RCN3: variants seen among roughly 807,000 people sequenced by gnomAD.
The protein encoded by RCN3 is reticulocalbin-3.
RCN3 carries 41 observed loss-of-function variants against 35.9 expected under a neutral mutation model. The observed-to-expected ratio is 1.14, with a 90% confidence interval of 0.89 to 1.48. The LOEUF is 1.48. RCN3 is among the 40% of genes most tolerant of loss of function. RCN3 has a pLI of 0.00. For missense variants in RCN3, 451 were observed against 471.3 expected, an observed-to-expected ratio of 0.96 and a Z score of 0.40; for synonymous variants, 187 against 193.4, an observed-to-expected ratio of 0.97 and a Z score of 0.27.
At chr19:49,528,908 G>A (rs781619663) in intron 2 of RCN3, among the ~76,000 whole-genome samples, 194 bp downstream of exon 2, 11 of 152,120 alleles carry the variant, frequency 7.2e-5, no homozygotes, top group African/African-American at 9.7e-5. Context: ...GAGACCGGGC[G>A]TGGTGGCTCA....
intron 2 of RCN3, among the ~76,000 whole-genome samples, chr19:49,532,007 T>A (rs2080110302): frequency 1.3e-5 from 2 of 151,270 alleles, no homozygotes; most frequent in South Asian, 4.2e-4. Flanking sequence ...TTCGCCGTGT[T>A]AGCCAGGATG....
At chr19:49,539,078 G>C (rs2080150511) in intron 4 of RCN3, 41 bp from the exon 5 acceptor site, 3 of 1,506,388 alleles carry the variant, frequency 2.0e-6, no homozygotes, top group Non-Finnish European at 2.7e-6. Flanking sequence ...CCAGGAGCCA[G>C]GGTCATCGGC....
chr19:49,542,569 C>A lies in RCN3; in HGVS notation c.696C>A (p.Ala232=). 1 of 1,601,756 alleles carries A rather than the reference C, an allele frequency of 6.2e-7. No individual in the cohort carries two copies. Reference sequence around the variant, plus strand: ...GGCCCCCAGCGGATCTGTACTCAGCCGAGCCTGGGGAGGAGGAGCCGGCGT... The same window carrying A: ...GGCCCCCAGCGGATCTGTACTCAGCAGAGCCTGGGGAGGAGGAGCCGGCGT... ...VEEYIADLYS[A]EPGEEEPAWV... The change falls in exon 6 of 7, where the codon GCC becomes GCA. Residue 232 remains alanine (A), a synonymous_variant. Coordinates refer to ENST00000270645, the MANE Select transcript of RCN3 (RefSeq NM_020650.3).
Position 49,543,463 on chromosome 19 carries a change from C to A in RCN3, c.*250C>A. The A allele has an allele frequency of 1.9e-6, 1 of 525,554 alleles. No homozygotes were observed. The highest frequency in any genetic ancestry group is 2.1e-5 in the South Asian group (1 of 46,636). The allele number at this position is 525,554 out of a possible 1,614,324, so 32.6% of individuals were successfully genotyped here. A position where few individuals can be genotyped will look rare whatever the true frequency, so the allele number is the denominator to read the frequency against. The stretch of plus-strand genomic sequence containing the variant: ...TCTGACTGAGTCTCCCAGCCCAGAC[C>A]CAGGGACCCTTGGCCCCAAGCTCAG... On this transcript the variant is annotated 3_prime_UTR_variant, in exon 7 of 7. Transcript: ENST00000270645.
In RCN3 at chr19:49,534,187, T is replaced by G. The variant is rs764548194; in HGVS notation, c.243-6T>G. The G allele has an allele frequency of 1.3e-6, 2 of 1,485,374 alleles. No individual in the cohort carries two copies. Among genetic ancestry groups the G allele is most frequent in the Non-Finnish European group, 1.8e-6 (2 of 1,123,800 alleles). The allele number at this position is 1,485,374 out of a possible 1,614,324, so 92.0% of individuals were successfully genotyped here. On this transcript the variant is annotated splice_region_variant and splice_polypyrimidine_tract_variant and intron_variant, in intron 2 of 6. Coordinates refer to ENST00000270645, the MANE Select transcript of RCN3 (RefSeq NM_020650.3). ...GAGCCTGACGTGTGCCCGCCCCGGC[T>G]TCTAGGCGGATCGTGGACCGCATGG... is the stretch of plus-strand genomic sequence containing the variant.
chr19:49,534,232 C>T lies in RCN3; in HGVS notation c.282C>T (p.Asp94=). The change falls in exon 3 of 7, where the codon GAC becomes GAT. Residue 94 remains aspartate, a synonymous_variant. Coordinates refer to ENST00000270645, the MANE Select transcript of RCN3 (RefSeq NM_020650.3). ...VDRMDRAGDG[D]GWVSLAELRA... Reference sequence around the variant, plus strand: ...GCATGGACCGCGCGGGGGACGGCGACGGCTGGGTGTCGCTGGCCGAGCTTC... The same window carrying T: ...GCATGGACCGCGCGGGGGACGGCGATGGCTGGGTGTCGCTGGCCGAGCTTC... 1.4e-6 allele frequency: 2 copies of T among 1,477,024 alleles called. No individual in the cohort carries two copies. Among genetic ancestry groups the T allele is most frequent in the Non-Finnish European group, 1.8e-6 (2 of 1,119,056 alleles). 91.5% of individuals were successfully genotyped at this position (1,477,024 alleles called of 1,614,324 possible). A position where few individuals can be genotyped will look rare whatever the true frequency, so the allele number is the denominator to read the frequency against.
chr19:49,542,879 A>G (rs1013530789), intron 6 of RCN3, 127 bp downstream of exon 6: 70 of 963,648 alleles, frequency 7.3e-5, no homozygotes, highest in Non-Finnish European at 9.6e-5. Context: ...AGAGGGACAG[A>G]GAGAGGGAGG....
At position 49,534,294 on chromosome 19, in the gene RCN3, G is replaced by A. The variant is rs777133003; in HGVS notation, c.344G>A (p.Arg115Gln). The change falls in exon 3 of 7, where the codon CGG becomes CAG. Residue 115 changes from arginine to glutamine, a missense_variant. Physicochemically the swap from Arg to Gln is conservative, Grantham distance 43. Transcript: ENST00000270645. ...WIAHTQQRHI[R>Q]DSVSAAWDTY... ...GCGCACACGCAGCAGCGGCACATAC[G>A]GGACTCGGTGAGCGCGGCCTGGGAC... The A allele has an allele frequency of 6.7e-6, 10 of 1,484,964 alleles. No homozygotes were observed. The South Asian group carries it at 1.2e-4, about 18-fold the overall frequency. The allele number at this position is 1,484,964 out of a possible 1,614,324, so 92.0% of individuals were successfully genotyped here.
At chr19:49,538,358 G>A (rs1161063348) in intron 4 of RCN3, among the ~76,000 whole-genome samples, 4 of 149,862 alleles carry the variant, frequency 2.7e-5, no homozygotes, top group African/African-American at 7.4e-5. Context: ...TAGTAGAGAC[G>A]GGGTTTCACT....
intron 2 of RCN3, among the ~76,000 whole-genome samples, chr19:49,529,976 G>A (rs1173443517): frequency 6.6e-6 from 1 of 151,738 alleles, no homozygotes; most frequent in Non-Finnish European, 1.5e-5. Flanking sequence ...TTTTGAGATG[G>A]AGTCTCGCTC....
At chr19:49,528,747 A>AG in intron 2 of RCN3, 33 bp downstream of exon 2, 1 of 1,525,554 alleles carries the variant, frequency 6.6e-7, no homozygotes, top group East Asian at 2.4e-5. Context: ...GCGTGTCCAG[A>AG]GGTGGGGCTT....
intron 6 of RCN3, 48 bp downstream of exon 6, chr19:49,542,800 G>A (rs374695795): frequency 1.5e-5 from 23 of 1,507,074 alleles, no homozygotes; most frequent in Middle Eastern, 1.8e-4. Flanking sequence ...TGGGCATTGC[G>A]GGCCAGACTC....
At chr19:49,538,418 C>T (rs969933994) in intron 4 of RCN3, among the ~76,000 whole-genome samples, 9 of 151,614 alleles carry the variant, frequency 5.9e-5, no homozygotes, top group Admixed American at 3.3e-4. Flanking sequence ...CCACCCACCT[C>T]GGCCTTCCAA....
At chr19:49,528,770 C>T in intron 2 of RCN3, 56 bp downstream of exon 2, 1 of 1,457,444 alleles carries the variant, frequency 6.9e-7, no homozygotes, top group Admixed American at 2.6e-5. Flanking sequence ...GAGAGAGACG[C>T]GGGGGTATCG....
chr19:49,528,643 G>A lies in RCN3; in HGVS notation c.171G>A (p.Glu57=). ...DAHGNFQYDH[E]AFLGREVAKE... is the part of the protein sequence containing the mutation. ...ACGGGAACTTCCAGTACGACCATGA[G>A]GCTTTCCTGGGACGGGAAGTGGCCA... Residue 57 remains glutamate (E), a synonymous_variant, in exon 2 of 7, where the codon GAG becomes GAA. Transcript: ENST00000270645. 1.2e-6 allele frequency: 2 copies of A among 1,612,068 alleles called. No homozygotes were observed. Among genetic ancestry groups the A allele is most frequent in the Non-Finnish European group, 1.7e-6 (2 of 1,179,174 alleles).
At chr19:49,532,398 C>G (rs991490581) in intron 2 of RCN3, among the ~76,000 whole-genome samples, 3 of 151,894 alleles carry the variant, frequency 2.0e-5, no homozygotes, top group East Asian at 1.9e-4. Context: ...GTTTTTGAGA[C>G]AAGGTCTTAC....
intron 5 of RCN3, among the ~76,000 whole-genome samples, chr19:49,540,989 G>A (rs1038744426): frequency 6.6e-6 from 1 of 151,482 alleles, no homozygotes; most frequent in African/African-American, 2.4e-5. Context: ...GGAGTGCAGT[G>A]GCATGATCTC....
chr19:49,529,555 C>G (rs1035111313), intron 2 of RCN3, among the ~76,000 whole-genome samples: 1 of 152,208 alleles, frequency 6.6e-6, no homozygotes, highest in African/African-American at 2.4e-5. Context: ...AGGCACTGCT[C>G]TAGGTGCTGA....
In RCN3 at chr19:49,534,358, G is replaced by T; in HGVS notation, c.408G>T (p.Glu136Asp). 2 of 1,536,540 alleles carry T rather than the reference G, an allele frequency of 1.3e-6. No individual in the cohort carries two copies. The highest frequency in any genetic ancestry group is 1.8e-6 in the Non-Finnish European group (2 of 1,142,706). ...ACCGCGACGGGCGTGTGGGTTGGGAGGAGCTGCGCAACGCCACCTATGGCC... is the reference window on the plus strand; with the variant it reads ...ACCGCGACGGGCGTGTGGGTTGGGATGAGCTGCGCAACGCCACCTATGGCC... ...DTDRDGRVGW[E>D]ELRNATYGHY... is the part of the protein sequence containing the mutation. The change falls in exon 3 of 7, where the codon GAG becomes GAT. Residue 136 changes from glutamate (E) to aspartate (D), a missense_variant. Coordinates refer to ENST00000270645, the MANE Select transcript of RCN3 (RefSeq NM_020650.3).
Sources: gnomAD v4.1 joint callset for allele counts (sites outside exome capture counted in the v4.1 genomes callset) on GRCh38, gnomAD v4.1.1 for gene constraint, MANE v1.5 for transcripts, NCBI Gene and HGNC (gene_info 2026-07-23, HGNC 2026-07-21) for gene names.